FARS2: variants seen among roughly 807,000 people sequenced by gnomAD.
The protein encoded by FARS2 is phenylalanyl-tRNA synthetase 2, mitochondrial, also known as phenylalanine--tRNA ligase, mitochondrial.
Under a neutral mutation model 46.4 loss-of-function variants are expected in FARS2, and 40 were observed. The ratio of observed to expected loss-of-function variants is 0.86; its 90% CI spans 0.67 to 1.12. FARS2 has a LOEUF of 1.12. Ranked by LOEUF, FARS2 falls within the 50% of genes most tolerant of loss-of-function variation. The probability of loss-of-function intolerance (pLI) is 0.00; values close to 1 mark genes in which losing one functional copy is unlikely to be tolerated. For missense variants in FARS2, 513 were observed against 567.9 expected (o/e 0.90, Z 0.98); for synonymous variants, 234 against 214.9 (o/e 1.09, Z -0.78).
chr6:5,603,843 T>A (rs1774678303), intron 5 of FARS2, among the ~76,000 whole-genome samples: 1 of 152,206 alleles, frequency 6.6e-6, no homozygotes, highest in Non-Finnish European at 1.5e-5. Context: ...ATTATCTTTT[T>A]TTGGGAGGGG....
Position 5,759,210 on chromosome 6 carries a change from G to A in FARS2, c.1218-12081G>A, listed in dbSNP as rs796766594. Among the ~76,000 whole-genome samples, 7 of 152,244 alleles carry A rather than the reference G, an allele frequency of 4.6e-5. No homozygotes were observed. The East Asian group carries it at 5.8e-4, about 13-fold the overall frequency. On this transcript the variant is annotated intron_variant, in intron 6 of 6. Coordinates refer to ENST00000274680, the MANE Select transcript of FARS2 (RefSeq NM_006567.5). ...CTCTGTCTGGGACTGCCCGCCACCC[G>A]CTCTCACTTTCTTTCACTCCATCGG...
intron 6 of FARS2, among the ~76,000 whole-genome samples, chr6:5,626,179 G>A (rs1463140434): frequency 6.6e-6 from 1 of 152,124 alleles, no homozygotes; most frequent in African/African-American, 2.4e-5. Flanking sequence ...CTGTTTTCTA[G>A]TGGGAACTAC....
intron 5 of FARS2, among the ~76,000 whole-genome samples, chr6:5,560,640 T>C (rs2150534490): frequency 6.6e-6 from 1 of 152,284 alleles, no homozygotes; most frequent in East Asian, 1.9e-4. Context: ...AAGATTTATG[T>C]TATTTCTTTC....
chr6:5,749,890 A>G (rs538081877), intron 6 of FARS2, among the ~76,000 whole-genome samples: 40 of 152,302 alleles, frequency 2.6e-4, no homozygotes, highest in African/African-American at 9.4e-4. Context: ...GGCTGCCACG[A>G]AGGTGCTCCA....
At chr6:5,432,422 AATATATT>A in intron 4 of FARS2, among the ~76,000 whole-genome samples, 1 of 128,720 alleles carries the variant, frequency 7.8e-6, no homozygotes, top group Admixed American at 9.2e-5. Context: ...TATAATATAT[AATATATT>A]ATAAATATAA....
intron 2 of FARS2, among the ~76,000 whole-genome samples, chr6:5,399,718 G>C (rs1562012264): frequency 6.6e-6 from 1 of 152,012 alleles, no homozygotes; most frequent in Non-Finnish European, 1.5e-5. Flanking sequence ...ATGAAAGGTA[G>C]CAAGTAATAT....
chr6:5,312,724 C>T (rs1769169345), intron 1 of FARS2, among the ~76,000 whole-genome samples: 1 of 152,168 alleles, frequency 6.6e-6, no homozygotes, highest in Non-Finnish European at 1.5e-5. Flanking sequence ...GGAGTCCAAC[C>T]GGGACTCAAA....
chr6:5,756,183 C>T (rs2150970975), intron 6 of FARS2, among the ~76,000 whole-genome samples: 1 of 152,266 alleles, frequency 6.6e-6, no homozygotes, highest in East Asian at 1.9e-4. Flanking sequence ...TTCTCTGCTC[C>T]AGGTAGCTAC....
At chr6:5,699,894 A>G (rs1758316088) in intron 6 of FARS2, among the ~76,000 whole-genome samples, 1 of 151,918 alleles carries the variant, frequency 6.6e-6, no homozygotes, top group South Asian at 2.1e-4. Context: ...GGTGACTATC[A>G]TGGGTGAGAA....
At chr6:5,477,881 G>T (rs534741660) in intron 4 of FARS2, among the ~76,000 whole-genome samples, 1 of 152,050 alleles carries the variant, frequency 6.6e-6, no homozygotes, top group African/African-American at 2.4e-5. Flanking sequence ...TGAGCTGGGC[G>T]TGGTGGTGTG....
At chr6:5,703,745 G>A (rs766935694) in intron 6 of FARS2, among the ~76,000 whole-genome samples, 1 of 152,096 alleles carries the variant, frequency 6.6e-6, no homozygotes, top group South Asian at 2.1e-4. Context: ...TGGACACAGG[G>A]GCTTTTCACT....
chr6:5,683,754 A>G (rs1779154285), intron 6 of FARS2, among the ~76,000 whole-genome samples: 1 of 151,906 alleles, frequency 6.6e-6, no homozygotes, highest in South Asian at 2.1e-4. Flanking sequence ...ATTTGTCCTA[A>G]TGCTCTCCCT....
chr6:5,351,639 A>G (rs1023968803), intron 1 of FARS2, among the ~76,000 whole-genome samples: 3 of 152,214 alleles, frequency 2.0e-5, no homozygotes, highest in Non-Finnish European at 4.4e-5. Flanking sequence ...GATTGCCATA[A>G]TCTCATAAGC....
chr6:5,346,105 C>G (rs1366027657), intron 1 of FARS2, among the ~76,000 whole-genome samples: 1 of 152,198 alleles, frequency 6.6e-6, no homozygotes, highest in African/African-American at 2.4e-5. Context: ...ACCTAGAAGT[C>G]TCTTCCCTCG....
chr6:5,269,924 G>A (rs1765829129), intron 1 of FARS2, among the ~76,000 whole-genome samples: 1 of 152,144 alleles, frequency 6.6e-6, no homozygotes, highest in South Asian at 2.1e-4. Flanking sequence ...TATTTTCTGA[G>A]CACAATTGAA....
chr6:5,325,543 C>T (rs780656092), intron 1 of FARS2, among the ~76,000 whole-genome samples: 5 of 152,202 alleles, frequency 3.3e-5, no homozygotes, highest in African/African-American at 4.8e-5. Flanking sequence ...AAGCCACAAA[C>T]ACTTCTGGTA....
chr6:5,291,299 G>A (rs545926321), intron 1 of FARS2: 2 of 152,236 alleles, frequency 1.3e-5, no homozygotes, highest in African/African-American at 4.8e-5. Flanking sequence ...TTATCATTGG[G>A]ATTTTAGTAG....
At chr6:5,253,453 GT>G in the FARS2 span, among the ~76,000 whole-genome samples, 69 of 151,406 alleles carry the variant, frequency 4.6e-4, no homozygotes, top group Admixed American at 2.2e-3. Flanking sequence ...ATGACTTGCT[GT>G]TTATGTTTAT....
At chr6:5,306,744 T>C (rs1224796963) in intron 1 of FARS2, among the ~76,000 whole-genome samples, 6 of 152,200 alleles carry the variant, frequency 3.9e-5, no homozygotes, top group Admixed American at 2.6e-4. Flanking sequence ...TTTTCTCTGC[T>C]TCTCTACTAA....
Sources: gnomAD v4.1 joint callset for allele counts (sites outside exome capture counted in the v4.1 genomes callset) on GRCh38, gnomAD v4.1.1 for gene constraint, MANE v1.5 for transcripts, NCBI Gene and HGNC (gene_info 2026-07-23, HGNC 2026-07-21) for gene names.